TULP1: variants seen among roughly 807,000 people sequenced by gnomAD.
TULP1 encodes the protein tubby-related protein 1.
In TULP1, 50 loss-of-function variants were observed where a neutral mutation model predicts 67.1. That is an observed-to-expected ratio of 0.75 (90% CI 0.59 to 0.94). The LOEUF (loss-of-function observed/expected upper bound fraction) is 0.94, where lower values mean the gene tolerates loss of function less well. TULP1 is among the 40% of genes least tolerant of loss of function. TULP1 has a pLI of 0.00. For missense variants in TULP1, 746 were observed against 734.1 expected, an observed-to-expected ratio of 1.02 and a Z score of -0.19; for synonymous variants, 297 against 294.0, an observed-to-expected ratio of 1.01 and a Z score of -0.11.
In TULP1 at chr6:35,503,992, AG is replaced by A; in HGVS notation, c.1113-145del. The A allele has an allele frequency of 1.5e-6, 1 of 645,880 alleles. No individual in the cohort carries two copies. The highest frequency in any genetic ancestry group is 1.8e-5 in the South Asian group (1 of 55,304). The allele number at this position is 645,880 out of a possible 1,614,324, so 40.0% of individuals were successfully genotyped here. A position where few individuals can be genotyped will look rare whatever the true frequency, so the allele number is the denominator to read the frequency against. On this transcript the variant is annotated intron_variant, in intron 11 of 14. Transcript: ENST00000229771. This position sits in a 1 kb window ranked among gnomAD's most constrained non-coding sequence, Gnocchi z 4.0. ...CTGAGCAATTCATGTCCCCTGCCCC[AG>A]GCTTCCCCCTATGCAGAGGTCTTTT...
At chr6:35,510,485 C>T (rs1455556924) in intron 5 of TULP1, among the ~76,000 whole-genome samples, 1 of 152,184 alleles carries the variant, frequency 6.6e-6, no homozygotes, top group Admixed American at 6.5e-5. Context: ...GTGCCCAGGC[C>T]AGGACACCAT....
Position 35,512,233 on chromosome 6 carries a change from G to A in TULP1, c.137C>T (p.Thr46Met), listed in dbSNP as rs200344441. ...APAQRLRKKR[T>M]EAPESPCPTG... Reference sequence around the variant, plus strand: ...GGGGCAGGGGGATTCGGGGGCCTCCGTCCTCTTCTTCCTTAGCCTCTGTGC... The same window carrying A: ...GGGGCAGGGGGATTCGGGGGCCTCCATCCTCTTCTTCCTTAGCCTCTGTGC... Residue 46 changes from threonine to methionine, a missense_variant, in exon 3 of 15, where the codon ACG becomes ATG. Thr to Met is a moderately conservative substitution (Grantham distance 81, BLOSUM62 -1). Around this residue, in one of 3 missense-constraint regions of TULP1, gnomAD observed 359 missense variants for 341.9 expected, o/e 1.05. Coordinates refer to ENST00000229771, the MANE Select transcript of TULP1 (RefSeq NM_003322.6). 8.0e-6 allele frequency: 11 copies of A among 1,376,764 alleles called. No homozygotes were observed. The highest frequency in any genetic ancestry group is 7.4e-5 in the African/African-American group (5 of 67,962). 85.3% of individuals were successfully genotyped at this position (1,376,764 alleles called of 1,614,324 possible).
rs1761021198 is a variant in TULP1, at chr6:35,503,739, A to G, written c.1222T>C (p.Tyr408His). The G allele has an allele frequency of 6.2e-7, 1 of 1,612,458 alleles. No homozygotes were observed. The highest frequency in any genetic ancestry group is 1.3e-5 in the African/African-American group (1 of 74,878). Residue 408 changes from tyrosine to histidine, a missense_variant and splice_region_variant, in exon 12 of 15, where the codon TAT becomes CAT. This residue lies in a region of TULP1 where 383 missense variants were observed against 374.1 expected (regional missense o/e 1.02). Coordinates refer to ENST00000229771, the MANE Select transcript of TULP1 (RefSeq NM_003322.6). This position sits in a 1 kb window ranked among gnomAD's most constrained non-coding sequence, Gnocchi z 4.0. Reference protein sequence around the residue: ...SLRQELAAVIYETNVLGFRGP... With the variant: ...SLRQELAAVIHETNVLGFRGP... ...TGGGGGACAGGTGGAGTCCTCACAT[A>G]GATCACAGCTGCCAGCTCCTGCCGA... is the stretch of plus-strand genomic sequence containing the variant.
In TULP1 at chr6:35,505,777, A is replaced by C. The variant is rs776792706; in HGVS notation, c.1076T>G (p.Leu359Arg). 3 of 1,614,114 alleles carry C rather than the reference A, an allele frequency of 1.9e-6. No individual in the cohort carries two copies. The Admixed American group carries it at 5.0e-5, about 27-fold the overall frequency. ...GATGAAATTCTCCCCTCCTCGGGAC[A>C]GATTGGTAGGGTCGATGGAGATGAG... is the stretch of plus-strand genomic sequence containing the variant. ...NYLISIDPTN[L>R]SRGGENFIGK... The change falls in exon 11 of 15, where the codon CTG (leucine) becomes CGG (arginine). Residue 359 changes from leucine to arginine, a missense_variant. Coordinates refer to ENST00000229771, the MANE Select transcript of TULP1 (RefSeq NM_003322.6).
intron 13 of TULP1, among the ~76,000 whole-genome samples, chr6:35,502,126 A>G (rs1760978809): frequency 6.6e-6 from 1 of 151,898 alleles, no homozygotes; most frequent in Non-Finnish European, 1.5e-5. Flanking sequence ...AGACTTACAC[A>G]CTTATTATCT....
At chr6:35,501,338 C>CA (rs1760955455) in intron 13 of TULP1, among the ~76,000 whole-genome samples, 1 of 151,788 alleles carries the variant, frequency 6.6e-6, no homozygotes, top group Admixed American at 6.6e-5. Flanking sequence ...CCTGGCTCTA[C>CA]AAAAAACTAG....
intron 5 of TULP1, 133 bp from the exon 6 acceptor site, chr6:35,510,061 TTTC>T (rs778995651): frequency 3.9e-4 from 314 of 795,494 alleles, no homozygotes; most frequent in Non-Finnish European, 5.6e-4. Context: ...CTGCCTTCTT[TTTC>T]TTTTTTTTTT....
In TULP1 at chr6:35,510,962, T is replaced by G; in HGVS notation, c.398A>C (p.Glu133Ala). ...EDEEDEEEEA[E>A]EKKEKILLPP... ...CAGAAGGATTTTCTCTTTCTTTTCC[T>G]CTGCCTCCTCTTCCTCGTCCTCCTC... Residue 133 changes from glutamate (E) to alanine (A), a missense_variant, in exon 5 of 15, where the codon GAG becomes GCG. Glu to Ala is a moderately radical substitution (Grantham distance 107). Coordinates refer to ENST00000229771, the MANE Select transcript of TULP1 (RefSeq NM_003322.6). The G allele has an allele frequency of 6.2e-7, 1 of 1,612,088 alleles. No individual in the cohort carries two copies. The highest frequency in any genetic ancestry group is 8.5e-7 in the Non-Finnish European group (1 of 1,179,984).
At position 35,509,293 on chromosome 6, in the gene TULP1, C is replaced by A. The variant is rs752126260; in HGVS notation, c.738G>T (p.Arg246Ser). Reference protein sequence around the residue: ...LKKKGTPKGARKEEEEEEEAA... With the variant: ...LKKKGTPKGASKEEEEEEEAA... ...CCTCCTCCTCCTCTTCTTCCTCCTT[C>A]CTCGCGCCTTTGGGAGTGCCTGAGC... The change falls in exon 8 of 15, where the codon AGG becomes AGT. Residue 246 changes from arginine to serine, a missense_variant. Physicochemically the swap from Arg to Ser is moderately radical, Grantham distance 110. Transcript: ENST00000229771. 9 of 1,614,090 alleles carry A rather than the reference C, an allele frequency of 5.6e-6. No homozygotes were observed. In the East Asian group the frequency reaches 2.0e-4, roughly 36 times the overall value.
rs1768758985 is a variant in TULP1, at chr6:35,498,531, C to A, written c.1496-71G>T. ...CCCCCATCCTGGCAGACAGTGCCCT[C>A]AACCTTGGGGGCAGTCTGTCCCTTG... On this transcript the variant is annotated intron_variant, in intron 14 of 14. Transcript: ENST00000229771. The surrounding 1 kb of genome is among the most constrained non-coding windows in gnomAD (Gnocchi z 6.7). 1.9e-6 allele frequency: 3 copies of A among 1,606,108 alleles called. No homozygotes were observed. The highest frequency in any genetic ancestry group is 2.5e-6 in the Non-Finnish European group (3 of 1,177,200).
At chr6:35,500,977 C>G (rs1178102013) in intron 13 of TULP1, among the ~76,000 whole-genome samples, 1 of 152,150 alleles carries the variant, frequency 6.6e-6, no homozygotes, top group African/African-American at 2.4e-5. Flanking sequence ...CCGTGACTTT[C>G]CAGCAGGGAA....
At chr6:35,508,498 C>A (rs1197943057) in intron 8 of TULP1, among the ~76,000 whole-genome samples, 1 of 152,182 alleles carries the variant, frequency 6.6e-6, no homozygotes, top group East Asian at 1.9e-4. Flanking sequence ...AAATCCAGGC[C>A]CTGTCCTCGT....
In TULP1 at chr6:35,506,012, C is replaced by T. The variant is rs748020118; in HGVS notation, c.990G>A (p.Thr330=). 23 of 1,613,960 alleles carry T rather than the reference C, an allele frequency of 1.4e-5. No homozygotes were observed. Among genetic ancestry groups the T allele is most frequent in the South Asian group, 3.3e-5 (3 of 91,092 alleles). Residue 330 remains threonine, a synonymous_variant, in exon 10 of 15, where the codon ACG becomes ACA. Transcript: ENST00000229771. The part of the protein sequence containing the change: ...MYPSYFLHLD[T]EKKVFLLAGR... ...GCCTCTCCCCACCCACCTTCTTCTC[C>T]GTGTCCAGGTGCAGGAAGTAGGAGG...
intron 2 of TULP1, 136 bp downstream of exon 2, chr6:35,512,503 T>C: frequency 2.5e-6 from 3 of 1,199,494 alleles, no homozygotes; most frequent in Admixed American, 2.0e-5. Flanking sequence ...CAGCCCTTTC[T>C]CCCCCCAGAT....
rs748810811 is a variant in TULP1 at position 35,512,223 on chromosome 6, G to T, written c.147C>A (p.Pro49=). The change falls in exon 3 of 15, where the codon CCC becomes CCA. Residue 49 remains proline (P), a synonymous_variant. Coordinates refer to ENST00000229771, the MANE Select transcript of TULP1 (RefSeq NM_003322.6). ...QRLRKKRTEA[P]ESPCPTGSKP... is the part of the protein sequence containing the mutation. ...TGGATCCCGTGGGGCAGGGGGATTC[G>T]GGGGCCTCCGTCCTCTTCTTCCTTA... 1 of 1,364,602 alleles carries T rather than the reference G, an allele frequency of 7.3e-7. No homozygotes were observed. The allele number at this position is 1,364,602 out of a possible 1,614,324, so 84.5% of individuals were successfully genotyped here.
Position 35,503,343 on chromosome 6 carries a change from A to G in TULP1, c.1323+216T>C. ...ATGAAGATATGAATGGATGTAATAT[A>G]TGAATTTGATGTAAACTCCAAAAAC... On this transcript the variant is annotated intron_variant, in intron 13 of 14. Transcript: ENST00000229771. The surrounding 1 kb of genome is among the most constrained non-coding windows in gnomAD (Gnocchi z 4.0). The G allele has an allele frequency of 1.7e-6, 1 of 586,642 alleles. No individual in the cohort carries two copies. Among genetic ancestry groups the G allele is most frequent in the South Asian group, 2.0e-5 (1 of 50,232 alleles). The allele number at this position is 586,642 out of a possible 1,614,324, so 36.3% of individuals were successfully genotyped here. A position where few individuals can be genotyped will look rare whatever the true frequency, so the allele number is the denominator to read the frequency against.
chr6:35,510,201 G>A (rs1219705528), intron 5 of TULP1, among the ~76,000 whole-genome samples: 2 of 151,982 alleles, frequency 1.3e-5, no homozygotes, highest in African/African-American at 4.8e-5. Flanking sequence ...TTACAGGCGC[G>A]CGCCACCACC....
In TULP1 at chr6:35,509,640, T is replaced by C. The variant is rs777727619; in HGVS notation, c.712A>G (p.Lys238Glu). Reference protein sequence around the residue: ...EGSPDKKALKKKGTPKGARKE... With the variant: ...EGSPDKKALKEKGTPKGARKE... ...AGAAGCCCTTGCCATCCACCTTTCT[T>C]CTTCAGGGCTTTCTTGTCAGGACTG... Residue 238 changes from lysine to glutamate, a missense_variant, in exon 7 of 15, where the codon AAG becomes GAG. Physicochemically the swap from Lys to Glu is moderately conservative, Grantham distance 56. Transcript: ENST00000229771. 6 of 1,613,936 alleles carry C rather than the reference T, an allele frequency of 3.7e-6. No individual in the cohort carries two copies. The South Asian group carries it at 6.6e-5, about 18-fold the overall frequency.
At chr6:35,499,006 T>C (rs1481598054) in intron 14 of TULP1, among the ~76,000 whole-genome samples, 1 of 152,022 alleles carries the variant, frequency 6.6e-6, no homozygotes, top group Non-Finnish European at 1.5e-5. Context: ...TGGACGAGGC[T>C]CCACCAGAAA....
Sources: allele counts gnomAD v4.1 joint callset (sites outside exome capture counted in the v4.1 genomes callset), GRCh38; gene constraint gnomAD v4.1.1; regional missense constraint gnomAD v4.1.1; non-coding constraint Gnocchi (gnomAD v3.1); transcripts MANE v1.5; gene names NCBI Gene and HGNC (gene_info 2026-07-23, HGNC 2026-07-21).